The following UBN2 variants were observed in gnomAD, a reference collection of about 807,000 sequenced individuals.
UBN2 encodes the protein ubinuclein 2.
Under a neutral mutation model 120.2 loss-of-function variants are expected in UBN2, and 35 were observed. The observed-to-expected ratio is 0.29, with a 90% CI of 0.22 to 0.39. UBN2 has a LOEUF of 0.39. Ranked by LOEUF, UBN2 falls within the 10% of genes least tolerant of loss-of-function variation. UBN2 has a pLI of 1.00. For missense variants in UBN2, 1,693 were observed against 1,663.2 expected, an observed-to-expected ratio of 1.02 and a Z score of -0.31; for synonymous variants, 661 against 648.7, an observed-to-expected ratio of 1.02 and a Z score of -0.29.
chr7:139,278,181 CTTT>C (rs75636576), intron 12 of UBN2, among the ~76,000 whole-genome samples: 1 of 133,820 alleles, frequency 7.5e-6, no homozygotes, highest in Non-Finnish European at 1.6e-5. Context: ...CTCTCTCTGG[CTTT>C]TTTTTTTTTT....
At chr7:139,277,856 A>G (rs982526382) in intron 12 of UBN2, 2 of 152,204 alleles carry the variant, frequency 1.3e-5, no homozygotes, top group African/African-American at 4.8e-5. Flanking sequence ...ATTTTTTCCT[A>G]TACATACATT....
Position 139,284,000 on chromosome 7 carries a change from C to G in UBN2, c.3095C>G (p.Ser1032Trp). ...ISTQGFKSPF[S>W]MAASPKLAAS... ...ACGCAGGGTTTCAAATCTCCCTTCT[C>G]GATGGCTGCCTCCCCAAAACTTGCC... Residue 1032 changes from serine to tryptophan, a missense_variant, in exon 15 of 18, where the codon TCG becomes TGG. Ser to Trp is a radical substitution (Grantham distance 177, BLOSUM62 -3). Around this residue, in one of 5 missense-constraint regions of UBN2, gnomAD observed 837 missense variants for 817.6 expected, o/e 1.02. Coordinates refer to ENST00000473989, the MANE Select transcript of UBN2 (RefSeq NM_173569.4). The G allele has an allele frequency of 6.2e-7, 1 of 1,614,144 alleles. No homozygotes were observed. The highest frequency in any genetic ancestry group is 1.3e-5 in the African/African-American group (1 of 75,034).
intron 10 of UBN2, 53 bp from the exon 11 acceptor site, chr7:139,273,878 C>G (rs946111045): frequency 8.2e-6 from 12 of 1,457,384 alleles, no homozygotes; most frequent in Non-Finnish European, 1.1e-5. Context: ...TTATTGCTGC[C>G]AAATGTATGT....
intron 2 of UBN2, among the ~76,000 whole-genome samples, chr7:139,240,454 A>ATATATATT (rs371717591): frequency 1.6e-5 from 2 of 123,148 alleles, no homozygotes; most frequent in African/African-American, 6.4e-5. Context: ...ATATATATAT[A>ATATATATT]TTTTTTTTTT....
At chr7:139,244,690 A>G (rs554553336) in intron 2 of UBN2, among the ~76,000 whole-genome samples, 2 of 152,012 alleles carry the variant, frequency 1.3e-5, no homozygotes, top group African/African-American at 2.4e-5. Context: ...ATACATATCT[A>G]TAGATATATA....
chr7:139,266,226 CAAAAAAAA>C (rs377760158), intron 6 of UBN2, 99 bp from the exon 7 acceptor site: 2 of 342,954 alleles, frequency 5.8e-6, no homozygotes, highest in South Asian at 2.9e-5. Context: ...GGCCCTATCT[CAAAAAAAA>C]AAAAAAAAAA....
intron 13 of UBN2, 97 bp downstream of exon 13, chr7:139,279,457 G>C: frequency 1.1e-6 from 1 of 902,692 alleles, no homozygotes; most frequent in Non-Finnish European, 1.7e-6. Flanking sequence ...GCAGAGGTCA[G>C]TAGGCACTAT....
At chr7:139,327,043 T>A in the UBN2 span, among the ~76,000 whole-genome samples, 1 of 152,146 alleles carries the variant, frequency 6.6e-6, no homozygotes. Flanking sequence ...TATTTGTTTA[T>A]TTTTTTTGAG....
intron 17 of UBN2, among the ~76,000 whole-genome samples, chr7:139,296,384 A>G (rs1423809449): frequency 6.6e-6 from 1 of 152,244 alleles, no homozygotes. Flanking sequence ...GCAGGGAATC[A>G]GATTTGGCCT....
At position 139,252,066 on chromosome 7, in the gene UBN2, T is replaced by A. The variant is rs781706001; in HGVS notation, c.663+9T>A. On this transcript the variant is annotated intron_variant, in intron 3 of 17. Coordinates refer to ENST00000473989, the MANE Select transcript of UBN2 (RefSeq NM_173569.4). ...TTGATAACTCAGAGGCTGTGAGTAA[T>A]GTATCTTTAATATAGCAGCAAATTC... 2 of 1,609,804 alleles carry A rather than the reference T, an allele frequency of 1.2e-6. No individual in the cohort carries two copies. Among genetic ancestry groups the A allele is most frequent in the Non-Finnish European group, 1.7e-6 (2 of 1,176,240 alleles).
chr7:139,272,567 C>G (rs1797312957), intron 9 of UBN2, 127 bp downstream of exon 9: 9 of 701,666 alleles, frequency 1.3e-5, no homozygotes, highest in Non-Finnish European at 2.0e-5. Flanking sequence ...CAGTCTGTTG[C>G]CCAGGCTGGA....
chr7:139,293,187 G>C (rs1220648966), intron 15 of UBN2, 45 bp from the exon 16 acceptor site: 1 of 1,460,380 alleles, frequency 6.8e-7, no homozygotes, highest in Non-Finnish European at 9.6e-7. Context: ...AATCAATTTG[G>C]GTTGCTTTAT....
intron 12 of UBN2, among the ~76,000 whole-genome samples, chr7:139,278,181 CTTTTTT>C (rs75636576): frequency 7.5e-6 from 1 of 133,830 alleles, no homozygotes; most frequent in African/African-American, 2.8e-5. Context: ...CTCTCTCTGG[CTTTTTT>C]TTTTTTTTTT....
chr7:139,241,716 G>C (rs567096102), intron 2 of UBN2, among the ~76,000 whole-genome samples: 1 of 152,292 alleles, frequency 6.6e-6, no homozygotes, highest in South Asian at 2.1e-4. Flanking sequence ...AATAAAATCA[G>C]CTAGGTGAAG....
intron 5 of UBN2, 137 bp downstream of exon 5, chr7:139,259,507 T>C (rs956480751): frequency 8.6e-5 from 101 of 1,180,150 alleles, no homozygotes; most frequent in African/African-American, 7.6e-4. Context: ...TAGTGACTTA[T>C]GTTTAATAGT....
At chr7:139,258,425 T>C in intron 3 of UBN2, 63 bp from the exon 4 acceptor site, 1 of 1,329,000 alleles carries the variant, frequency 7.5e-7, no homozygotes, top group Middle Eastern at 2.4e-4. Context: ...GATGAATTTC[T>C]TTGACATTTA....
chr7:139,293,900 G>C lies in UBN2; in HGVS notation c.3913G>C (p.Gly1305Arg). The C allele has an allele frequency of 1.2e-6, 2 of 1,613,992 alleles. No individual in the cohort carries two copies. The highest frequency in any genetic ancestry group is 1.3e-5 in the African/African-American group (1 of 74,998). The change falls in exon 17 of 18, where the codon GGT becomes CGT. Residue 1305 changes from glycine (G) to arginine (R), a missense_variant. Physicochemically the swap from Gly to Arg is moderately radical, Grantham distance 125 (BLOSUM62 -2). Transcript: ENST00000473989. Reference sequence around the variant, plus strand: ...TGTTTTCCTCTCAGATTTACTAAAGGGTTTACAGCCAGGAGGAGCTCAGCA... The same window carrying C: ...TGTTTTCCTCTCAGATTTACTAAAGCGTTTACAGCCAGGAGGAGCTCAGCA... ...HHSLTQNLLKGLQPGGAQHAA... is the reference protein window; with the variant it reads ...HHSLTQNLLKRLQPGGAQHAA...
chr7:139,241,089 A>G (rs1796307294), intron 2 of UBN2, among the ~76,000 whole-genome samples: 1 of 152,084 alleles, frequency 6.6e-6, no homozygotes, highest in South Asian at 2.1e-4. Context: ...TCTGTAGGTA[A>G]TATATGCCTT....
At chr7:139,252,236 A>G (rs1796643238) in intron 3 of UBN2, among the ~76,000 whole-genome samples, 179 bp downstream of exon 3, 5 of 150,934 alleles carry the variant, frequency 3.3e-5, no homozygotes, top group East Asian at 1.9e-4. Context: ...CTGCAGACTG[A>G]GAATTTTGTA....
Sources: allele counts gnomAD v4.1 joint callset (sites outside exome capture counted in the v4.1 genomes callset), GRCh38; gene constraint gnomAD v4.1.1; regional missense constraint gnomAD v4.1.1; transcripts MANE v1.5; gene names NCBI Gene and HGNC (gene_info 2026-07-23, HGNC 2026-07-21).